Variants in KAZN observed in about 807,000 individuals in gnomAD.
The protein encoded by KAZN is kazrin, periplakin interacting protein.
In KAZN, 40 loss-of-function variants were observed where a neutral mutation model predicts 87.4. The ratio of observed to expected loss-of-function variants is 0.46; its 90% CI spans 0.36 to 0.60. KAZN has a LOEUF of 0.60. KAZN is among the 20% of genes least tolerant of loss of function. The pLI, the probability that KAZN is intolerant of heterozygous loss-of-function variation, is 0.00. For synonymous variants in KAZN, 466 were observed against 458.3 expected, an observed-to-expected ratio of 1.02 and a Z score of -0.22; for missense variants, 898 against 1,073.9, an observed-to-expected ratio of 0.84 and a Z score of 2.29.
At chr1:14,246,268 C>T (rs1054670715) in intron 2 of KAZN, among the ~76,000 whole-genome samples, 20 of 152,046 alleles carry the variant, frequency 1.3e-4, no homozygotes, top group African/African-American at 4.8e-4. Context: ...CAGCGGACCA[C>T]CATGGCACAC....
intron 14 of KAZN, chr1:15,112,858 A>T (rs1641700147): frequency 4.0e-6 from 1 of 247,572 alleles, no homozygotes; most frequent in East Asian, 8.2e-5. Flanking sequence ...GTCTCCTGGA[A>T]AAGGAGTTCT....
At position 14,341,042 on chromosome 1, in the gene KAZN, C is replaced by A. The variant is rs905359432; in HGVS notation, c.249+160450C>A. On this transcript the variant is annotated intron_variant, in intron 2 of 16. Coordinates refer to the KAZN transcript ENST00000636203. The stretch of plus-strand genomic sequence containing the variant: ...ACCTAGGATTACAGGCATGCGCCAC[C>A]ATGCCCAGCTAATTTTTGTATTTTT... Among the ~76,000 whole-genome samples, 4 of 149,888 alleles carry A rather than the reference C, an allele frequency of 2.7e-5. No individual in the cohort carries two copies. In the East Asian group the frequency reaches 8.0e-4, roughly 30 times the overall value.
At chr1:14,995,074 G>A (rs1573009208) in intron 2 of KAZN, among the ~76,000 whole-genome samples, 1 of 152,356 alleles carries the variant, frequency 6.6e-6, no homozygotes, top group South Asian at 2.1e-4. Flanking sequence ...GGGAAGGTTG[G>A]CTGGCCCCTC....
At chr1:14,915,204 G>A (rs889319529) in intron 1 of KAZN, among the ~76,000 whole-genome samples, 4 of 152,164 alleles carry the variant, frequency 2.6e-5, no homozygotes, top group Admixed American at 2.0e-4. Flanking sequence ...AAGAAAAAAA[G>A]AAAAGAAAAT....
At chr1:15,085,534 C>G (rs1640210665) in intron 8 of KAZN, among the ~76,000 whole-genome samples, 1 of 152,126 alleles carries the variant, frequency 6.6e-6, no homozygotes. Context: ...CGCCATGTTG[C>G]CCAGGCTGGT....
intron 1 of KAZN, among the ~76,000 whole-genome samples, chr1:14,904,107 A>C (rs569312717): frequency 5.3e-5 from 8 of 152,302 alleles, no homozygotes; most frequent in Non-Finnish European, 1.2e-4. Flanking sequence ...TTGAGTTAGC[A>C]GACTCACGTT....
chr1:14,772,495 C>T (rs1429953275), intron 1 of KAZN, among the ~76,000 whole-genome samples: 5 of 149,744 alleles, frequency 3.3e-5, no homozygotes, highest in Non-Finnish European at 7.4e-5. Context: ...CCACCCCTGC[C>T]CCAATCACCT....
At chr1:14,608,573 AC>A (rs1450524993) in intron 1 of KAZN, among the ~76,000 whole-genome samples, 3 of 152,386 alleles carry the variant, frequency 2.0e-5, no homozygotes, top group East Asian at 3.9e-4. Context: ...GGAATTGGAC[AC>A]TGCAGAGAAC....
chr1:14,270,747 G>T (rs1322631574), intron 2 of KAZN, among the ~76,000 whole-genome samples: 1 of 152,068 alleles, frequency 6.6e-6, no homozygotes, highest in Non-Finnish European at 1.5e-5. Flanking sequence ...TCTCTACAGG[G>T]TTATTTTTCC....
chr1:14,007,971 T>G (rs1170038171), intron 1 of KAZN, among the ~76,000 whole-genome samples: 2 of 152,206 alleles, frequency 1.3e-5, no homozygotes, highest in Non-Finnish European at 2.9e-5. Context: ...TTGCCTCATC[T>G]GTAAATAAGA....
intron 2 of KAZN, among the ~76,000 whole-genome samples, chr1:14,977,416 A>T (rs2101875604): frequency 6.6e-6 from 1 of 152,268 alleles, no homozygotes; most frequent in Admixed American, 6.5e-5. Flanking sequence ...CAGATTCCGG[A>T]AGGTCAACGT....
At chr1:14,832,467 T>G (rs1647077759) in intron 1 of KAZN, among the ~76,000 whole-genome samples, 1 of 152,210 alleles carries the variant, frequency 6.6e-6, no homozygotes, top group East Asian at 1.9e-4. Context: ...GTTCACTATC[T>G]TTGATTGGAT....
chr1:14,911,023 G>T (rs57405108), intron 1 of KAZN, among the ~76,000 whole-genome samples: 10 of 152,262 alleles, frequency 6.6e-5, no homozygotes, highest in African/African-American at 2.4e-4. Flanking sequence ...TCCTGAGCCC[G>T]CACAGTGCAG....
At chr1:14,453,572 A>G (rs1667402052) in intron 2 of KAZN, among the ~76,000 whole-genome samples, 1 of 152,184 alleles carries the variant, frequency 6.6e-6, no homozygotes, top group Non-Finnish European at 1.5e-5. Context: ...ATGGTGTCTC[A>G]TGCCTGTAAT....
intron 2 of KAZN, among the ~76,000 whole-genome samples, chr1:14,989,810 T>C (rs927851826): frequency 1.3e-5 from 2 of 152,212 alleles, no homozygotes; most frequent in Non-Finnish European, 2.9e-5. Flanking sequence ...CTGTAGCTGC[T>C]TGCCTCTGTA....
chr1:14,100,834 G>A (rs1644233588), intron 1 of KAZN, among the ~76,000 whole-genome samples: 1 of 152,206 alleles, frequency 6.6e-6, no homozygotes, highest in African/African-American at 2.4e-5. Context: ...TTGTGGGAGG[G>A]ACCTGGTGGG....
At chr1:14,502,540 G>C in intron 2 of KAZN, among the ~76,000 whole-genome samples, 1 of 152,160 alleles carries the variant, frequency 6.6e-6, no homozygotes, top group East Asian at 1.9e-4. Flanking sequence ...AGAGCCCTCT[G>C]TTCAGGTCTC....
At chr1:14,631,179 T>C (rs1360296166) in intron 1 of KAZN, among the ~76,000 whole-genome samples, 1 of 152,054 alleles carries the variant, frequency 6.6e-6, no homozygotes, top group African/African-American at 2.4e-5. Flanking sequence ...ACAGCTGCTA[T>C]GGAAAGCTAC....
At chr1:14,748,645 G>T (rs765608009) in intron 1 of KAZN, among the ~76,000 whole-genome samples, 1 of 152,226 alleles carries the variant, frequency 6.6e-6, no homozygotes. Flanking sequence ...CATGAGTTTT[G>T]TTGAGGTTGG....
Sources: allele counts gnomAD v4.1 joint callset (sites outside exome capture counted in the v4.1 genomes callset), GRCh38; gene constraint gnomAD v4.1.1; transcripts MANE v1.5; gene names NCBI Gene and HGNC (gene_info 2026-07-23, HGNC 2026-07-21).